The following VPS45 variants were observed in gnomAD, a reference collection of about 807,000 sequenced individuals.
VPS45 encodes vacuolar protein sorting-associated protein 45.
In VPS45, 35 loss-of-function variants were observed where a neutral mutation model predicts 75.9. The observed-to-expected ratio is 0.46, with a 90% CI of 0.35 to 0.61. The LOEUF is 0.61. Among genes scored for constraint, VPS45 ranks in the 20% least tolerant of loss-of-function variants. The probability of loss-of-function intolerance (pLI) is 0.00; values close to 1 mark genes in which losing one functional copy is unlikely to be tolerated. For missense variants in VPS45, 559 were observed against 685.9 expected (o/e 0.81, Z 2.07); for synonymous variants, 220 against 238.2 (o/e 0.92, Z 0.70).
At chr1:150,100,992 C>G (rs1553804143) in intron 13 of VPS45, among the ~76,000 whole-genome samples, 1 of 152,060 alleles carries the variant, frequency 6.6e-6, no homozygotes, top group African/African-American at 2.4e-5. Context: ...AGAACTTAAA[C>G]AAATTTACAA....
chr1:150,142,913 A>G (rs1553815677), intron 14 of VPS45: 2 of 449,670 alleles, frequency 4.4e-6, no homozygotes, highest in Non-Finnish European at 8.9e-6. Context: ...TCAGCCTCCC[A>G]AAGTGCTGGG....
intron 12 of VPS45, chr1:150,092,656 G>C (rs587679720): frequency 3.7e-6 from 1 of 270,636 alleles, no homozygotes; most frequent in East Asian, 6.5e-5. Context: ...CAGGAAATAA[G>C]AAGAAAAAGA....
chr1:150,081,525 GA>G (rs781850029), intron 8 of VPS45, 49 bp downstream of exon 8: 2 of 1,570,298 alleles, frequency 1.3e-6, no homozygotes, highest in East Asian at 4.6e-5. Flanking sequence ...TTTTATGTAA[GA>G]AGATCAATAT....
intron 10 of VPS45, among the ~76,000 whole-genome samples, chr1:150,089,454 A>G (rs1240254600): frequency 6.6e-6 from 1 of 151,886 alleles, no homozygotes; most frequent in African/African-American, 2.4e-5. Flanking sequence ...TCCGCCTCCC[A>G]GGTTCAAGCA....
In VPS45 at chr1:150,144,708, G is replaced by A. The variant is rs782685551; in HGVS notation, c.1626-1G>A. ...TCAAGTAACCTCAAACTACTTATCA[G>A]TTTCCTAGAGGAAGTTCTGGCTTCT... On this transcript the variant is annotated splice_acceptor_variant, in intron 14 of 14. Transcript: ENST00000644510. LOFTEE classifies it high-confidence loss of function. 4.3e-6 allele frequency: 7 copies of A among 1,610,244 alleles called. No homozygotes were observed. The South Asian group carries it at 7.7e-5, about 18-fold the overall frequency.
At chr1:150,097,128 C>T (rs1394939073) in intron 13 of VPS45, among the ~76,000 whole-genome samples, 1 of 146,508 alleles carries the variant, frequency 6.8e-6, no homozygotes, top group Non-Finnish European at 1.5e-5. Context: ...TGCTCTGTCA[C>T]CCAGGCTGGA....
In VPS45 at chr1:150,067,924, A is replaced by C; in HGVS notation, c.67A>C (p.Lys23Gln). The C allele has an allele frequency of 6.2e-7, 1 of 1,614,188 alleles. No homozygotes were observed. The highest frequency in any genetic ancestry group is 8.5e-7 in the Non-Finnish European group (1 of 1,180,020). ...GATAGAGGACAGCGGGCCTGGTATG[A>C]AAGTACTTCTCATGGATAAAGAGAC... ...KMIEDSGPGM[K>Q]VLLMDKETTG... The change falls in exon 1 of 15, where the codon AAA becomes CAA. Residue 23 changes from lysine (K) to glutamine (Q), a missense_variant. Coordinates refer to ENST00000644510, the MANE Select transcript of VPS45 (RefSeq NM_007259.5).
intron 10 of VPS45, among the ~76,000 whole-genome samples, chr1:150,090,169 A>G (rs1314598439): frequency 1.3e-5 from 2 of 152,238 alleles, no homozygotes; most frequent in Non-Finnish European, 2.9e-5. Context: ...GGCTCTTGCC[A>G]GCCTTTCAAA....
chr1:150,086,762 A>G (rs1246716718), intron 10 of VPS45, among the ~76,000 whole-genome samples: 2 of 152,142 alleles, frequency 1.3e-5, no homozygotes, highest in East Asian at 3.8e-4. Context: ...TCTGCTTTCT[A>G]TCATTTTTCC....
intron 3 of VPS45, among the ~76,000 whole-genome samples, chr1:150,072,432 G>A (rs1553797259): frequency 6.6e-6 from 1 of 152,100 alleles, no homozygotes. Flanking sequence ...GGAGGCCAAG[G>A]CGGGCGGATC....
chr1:150,108,443 C>A (rs1013200315), intron 13 of VPS45, among the ~76,000 whole-genome samples: 1 of 151,962 alleles, frequency 6.6e-6, no homozygotes, highest in East Asian at 1.9e-4. Context: ...ATTTAAATAA[C>A]CATAAGTGAC....
rs1008084361 is a variant in VPS45 at position 150,117,109 on chromosome 1, G to A, written c.1625+6482G>A. 3.3e-5 allele frequency among the ~76,000 whole-genome samples: 5 copies of A among 151,964 alleles called. No homozygotes were observed. The East Asian group carries it at 7.7e-4, about 23-fold the overall frequency. Reference sequence around the variant, plus strand: ...CCAGCTACTCAGGAGGCTGAGGCAGGAGAATCACTTGAACCTGGGAAGCAG... The same window carrying A: ...CCAGCTACTCAGGAGGCTGAGGCAGAAGAATCACTTGAACCTGGGAAGCAG... On this transcript the variant is annotated intron_variant, in intron 14 of 14. Coordinates refer to ENST00000644510, the MANE Select transcript of VPS45 (RefSeq NM_007259.5).
intron 14 of VPS45, among the ~76,000 whole-genome samples, chr1:150,128,909 A>G (rs930491807): frequency 6.6e-6 from 1 of 151,964 alleles, no homozygotes; most frequent in Admixed American, 6.6e-5. Flanking sequence ...CTGGCTAATT[A>G]TTTTTGTATT....
chr1:150,091,840 A>T lies in VPS45; in HGVS notation c.1105-97A>T. On this transcript the variant is annotated intron_variant, in intron 10 of 14. Transcript: ENST00000644510. ...ATGACTTATAATTGTCATAGTAGTG[A>T]TGTATCACTACCATTCAATAATTAT... 2.7e-6 allele frequency: 3 copies of T among 1,103,138 alleles called. No individual in the cohort carries two copies. The South Asian group carries it at 5.1e-5, about 19-fold the overall frequency. 68.3% of individuals were successfully genotyped at this position (1,103,138 alleles called of 1,614,324 possible).
At chr1:150,142,218 C>T (rs1659424596) in intron 14 of VPS45, among the ~76,000 whole-genome samples, 1 of 152,058 alleles carries the variant, frequency 6.6e-6, no homozygotes, top group Non-Finnish European at 1.5e-5. Flanking sequence ...TATTTCTTCC[C>T]TTTGTAGCAG....
Position 150,093,536 on chromosome 1 carries a change from A to G in VPS45, c.1381A>G (p.Asn461Asp). 1 of 1,612,270 alleles carries G rather than the reference A, an allele frequency of 6.2e-7. No individual in the cohort carries two copies. The highest frequency in any genetic ancestry group is 8.5e-7 in the Non-Finnish European group (1 of 1,179,308). ...TTTTCCCCTGTTTTAGGGAGTAGAAAATGTATATACACAGCATCAACCTTT... is the reference window on the plus strand; with the variant it reads ...TTTTCCCCTGTTTTAGGGAGTAGAAGATGTATATACACAGCATCAACCTTT... The part of the protein sequence containing the change: ...QFLKGLKGVE[N>D]VYTQHQPFLH... The change falls in exon 13 of 15, where the codon AAT becomes GAT. Residue 461 changes from asparagine (N) to aspartate (D), a missense_variant. Coordinates refer to ENST00000644510, the MANE Select transcript of VPS45 (RefSeq NM_007259.5).
At chr1:150,098,506 T>C (rs58363747) in intron 13 of VPS45, among the ~76,000 whole-genome samples, 3,276 of 152,310 alleles carry the variant, frequency 0.022, 97 homozygotes, top group African/African-American at 0.074. Context: ...TCTGGCTCTG[T>C]ATTCACTTGG....
chr1:150,075,160 A>G (rs1553797825), intron 3 of VPS45, among the ~76,000 whole-genome samples: 1 of 107,556 alleles, frequency 9.3e-6, no homozygotes, highest in South Asian at 2.6e-4. Context: ...TTTTTTTTAC[A>G]GTTTTTTAAA....
At chr1:150,110,251 C>A in intron 13 of VPS45, 2 of 386,384 alleles carry the variant, frequency 5.2e-6, no homozygotes, top group East Asian at 4.3e-5. Context: ...ATTCTGAAAT[C>A]CACAGCACAG....
Sources: allele counts gnomAD v4.1 joint callset (sites outside exome capture counted in the v4.1 genomes callset), GRCh38; gene constraint gnomAD v4.1.1; transcripts MANE v1.5; gene names NCBI Gene and HGNC (gene_info 2026-07-23, HGNC 2026-07-21).